Variants in ABLIM2 observed in about 807,000 individuals in gnomAD.
ABLIM2 encodes the protein actin binding LIM protein family member 2.
In ABLIM2, 53 loss-of-function variants were observed where a neutral mutation model predicts 97.7. The observed-to-expected ratio is 0.54, with a 90% confidence interval of 0.44 to 0.68. The LOEUF is 0.68. Ranked by LOEUF, ABLIM2 falls within the 30% of genes least tolerant of loss-of-function variation. ABLIM2 has a pLI of 0.00. For synonymous variants in ABLIM2, 361 were observed against 345.8 expected (o/e 1.04, Z -0.49); for missense variants, 835 against 867.2 (o/e 0.96, Z 0.47).
At chr4:8,105,153 C>T (rs551990525) in intron 2 of ABLIM2, among the ~76,000 whole-genome samples, 1 of 152,326 alleles carries the variant, frequency 6.6e-6, no homozygotes, top group East Asian at 1.9e-4. Context: ...GGATTCCCTT[C>T]TGTCTGGAGC....
chr4:8,042,316 C>T (rs897251921), intron 9 of ABLIM2, among the ~76,000 whole-genome samples: 2 of 152,202 alleles, frequency 1.3e-5, no homozygotes, highest in Admixed American at 6.5e-5. Context: ...TAACCTTTCC[C>T]TCATTCTGTG....
intron 2 of ABLIM2, among the ~76,000 whole-genome samples, chr4:8,104,954 C>T (rs1056598731): frequency 6.6e-6 from 1 of 152,184 alleles, no homozygotes; most frequent in Non-Finnish European, 1.5e-5. Context: ...ACCTGCTCCC[C>T]TCCTGCTCCC....
At chr4:7,976,793 A>G (rs1733569021) in intron 20 of ABLIM2, among the ~76,000 whole-genome samples, 1 of 152,150 alleles carries the variant, frequency 6.6e-6, no homozygotes, top group Admixed American at 6.5e-5. Context: ...ACACAAGTAT[A>G]CACACATACA....
intron 7 of ABLIM2, among the ~76,000 whole-genome samples, chr4:8,059,444 G>C (rs2076770): frequency 0.72 from 109,403 of 151,882 alleles, 39,943 homozygotes; most frequent in East Asian, 0.99. Flanking sequence ...GAGGATGACC[G>C]GAAGTCCCTG....
chr4:8,056,373 T>C (rs1262927982), intron 7 of ABLIM2, among the ~76,000 whole-genome samples: 2 of 148,630 alleles, frequency 1.3e-5, no homozygotes, highest in Non-Finnish European at 3.0e-5. Context: ...CAAATATAGC[T>C]CACTGCAGCC....
chr4:8,148,885 C>G lies in ABLIM2; in HGVS notation c.10+9795G>C, dbSNP rs1397166329. Among the ~76,000 whole-genome samples the G allele has an allele frequency of 1.3e-5, 2 of 152,242 alleles. No homozygotes were observed. The highest frequency in any genetic ancestry group is 2.9e-5 in the Non-Finnish European group (2 of 68,030). On this transcript the variant is annotated intron_variant, in intron 1 of 20. Coordinates refer to ENST00000447017, the MANE Select transcript of ABLIM2 (RefSeq NM_001130083.2). The surrounding 1 kb of genome is among the most constrained non-coding windows in gnomAD (Gnocchi z 6.7). ...CAGAGCTGCTGATGTACCAAGAAACCTGGGCTCCGCAGGCACCCGGGAGAT... is the reference window on the plus strand; with the variant it reads ...CAGAGCTGCTGATGTACCAAGAAACGTGGGCTCCGCAGGCACCCGGGAGAT...
Position 7,996,927 on chromosome 4 carries a change from A to T in ABLIM2, c.1619-4000T>A, listed in dbSNP as rs1426507660. Reference sequence around the variant, plus strand: ...TTCAACATTTTTTTCTTTGTCCTTAATTTTCAGAAATTTAATTATGATGTG... The same window carrying T: ...TTCAACATTTTTTTCTTTGTCCTTATTTTTCAGAAATTTAATTATGATGTG... On this transcript the variant is annotated intron_variant, in intron 16 of 20. Transcript: ENST00000447017. This position sits in a 1 kb window ranked among gnomAD's most constrained non-coding sequence, Gnocchi z 4.5. 6.6e-6 allele frequency among the ~76,000 whole-genome samples: 1 copy of T among 151,304 alleles called. No individual in the cohort carries two copies. The highest frequency in any genetic ancestry group is 1.9e-4 in the East Asian group (1 of 5,148).
chr4:8,108,829 C>T (rs755645634), intron 1 of ABLIM2, among the ~76,000 whole-genome samples: 6 of 152,228 alleles, frequency 3.9e-5, no homozygotes, highest in Admixed American at 6.5e-5. Context: ...CTTGTCCTCA[C>T]GTCTTCCTTT....
chr4:7,991,939 GC>G, intron 17 of ABLIM2, among the ~76,000 whole-genome samples: 1 of 152,334 alleles, frequency 6.6e-6, no homozygotes, highest in South Asian at 2.1e-4. Context: ...GTTACACACA[GC>G]CACGGCTGCT....
chr4:8,136,868 G>A (rs950416564), intron 1 of ABLIM2, among the ~76,000 whole-genome samples: 4 of 152,204 alleles, frequency 2.6e-5, no homozygotes, highest in African/African-American at 7.2e-5. Flanking sequence ...CCTGTCACTC[G>A]CTACTATGGT....
chr4:7,985,869 C>A lies in ABLIM2; in HGVS notation c.1681-976G>T, dbSNP rs1743518335. Among the ~76,000 whole-genome samples, 4 of 152,344 alleles carry A rather than the reference C, an allele frequency of 2.6e-5. No homozygotes were observed. In the South Asian group the frequency reaches 8.3e-4, roughly 32 times the overall value. On this transcript the variant is annotated intron_variant, in intron 17 of 20. Coordinates refer to ENST00000447017, the MANE Select transcript of ABLIM2 (RefSeq NM_001130083.2). ...CCACCTGGAAGCATCATCGACACGT[C>A]CTGCAAACCTCTATGGAGGGTTCCC...
Position 8,097,180 on chromosome 4 carries a change from C to G in ABLIM2, c.257G>C (p.Cys86Ser). 1 of 1,603,658 alleles carries G rather than the reference C, an allele frequency of 6.2e-7. No individual in the cohort carries two copies. The highest frequency in any genetic ancestry group is 8.5e-7 in the Non-Finnish European group (1 of 1,175,512). ...CACCTCACCCTCAATGAACTGGTCG[C>G]AGCTGAAGCAGCGGGTGCCGTAGAG... ...QRLYGTRCFS[C>S]DQFIEGEVVS... is the part of the protein sequence containing the mutation. Residue 86 changes from cysteine to serine, a missense_variant, in exon 3 of 21, where the codon TGC (cysteine) becomes TCC (serine). Transcript: ENST00000447017.
intron 7 of ABLIM2, among the ~76,000 whole-genome samples, chr4:8,060,760 T>G (rs1455841623): frequency 6.6e-6 from 1 of 152,156 alleles, no homozygotes; most frequent in Admixed American, 6.5e-5. Context: ...TCGGGCTCGC[T>G]GAGATCATTG....
Position 8,032,447 on chromosome 4 carries a change from G to C in ABLIM2, c.1048-2671C>G, listed in dbSNP as rs28478655. On this transcript the variant is annotated intron_variant, in intron 10 of 20. Transcript: ENST00000447017. This position sits in a 1 kb window ranked among gnomAD's most constrained non-coding sequence, Gnocchi z 4.3. ...CATCCGCAGGGCTGGCAGACATATC[G>C]GGGAGGCATGCAAGTGCGGGGTGAT... Among the ~76,000 whole-genome samples the C allele has an allele frequency of 6.6e-6, 1 of 152,240 alleles. No individual in the cohort carries two copies. Among genetic ancestry groups the C allele is most frequent in the African/African-American group, 2.4e-5 (1 of 41,524 alleles).
At chr4:8,050,674 C>T (rs1407771051) in intron 8 of ABLIM2, among the ~76,000 whole-genome samples, 1 of 152,200 alleles carries the variant, frequency 6.6e-6, no homozygotes, top group South Asian at 2.1e-4. Flanking sequence ...TGGCTTGCAC[C>T]TGACGGAACA....
At chr4:8,026,946 AGT>A (rs57678059) in intron 12 of ABLIM2, among the ~76,000 whole-genome samples, 4 of 128,716 alleles carry the variant, frequency 3.1e-5, no homozygotes, top group African/African-American at 1.2e-4. Flanking sequence ...CTTTTACCTG[AGT>A]GTGTGTGTCT....
intron 7 of ABLIM2, among the ~76,000 whole-genome samples, chr4:8,059,631 G>A (rs1215129494): frequency 6.6e-6 from 1 of 152,114 alleles, no homozygotes; most frequent in African/African-American, 2.4e-5. Context: ...CCGGGGCATG[G>A]TGGATCATAC....
rs1181866097 is a variant in ABLIM2 at position 7,999,036 on chromosome 4, G to A, written c.1619-6109C>T. 1.3e-5 allele frequency among the ~76,000 whole-genome samples: 2 copies of A among 152,212 alleles called. No homozygotes were observed. The highest frequency in any genetic ancestry group is 4.8e-5 in the African/African-American group (2 of 41,458). On this transcript the variant is annotated intron_variant, in intron 16 of 20. Transcript: ENST00000447017. This position sits in a 1 kb window ranked among gnomAD's most constrained non-coding sequence, Gnocchi z 4.4. Reference sequence around the variant, plus strand: ...AGATGTTAAAGGTCCCAGGGATGCTGTGCACAACCAGCGCTGAGAATCACT... The same window carrying A: ...AGATGTTAAAGGTCCCAGGGATGCTATGCACAACCAGCGCTGAGAATCACT...
At chr4:8,073,039 C>T (rs1445981624) in intron 6 of ABLIM2, among the ~76,000 whole-genome samples, 1 of 152,002 alleles carries the variant, frequency 6.6e-6, no homozygotes, top group Non-Finnish European at 1.5e-5. Flanking sequence ...TGAGTCTCTG[C>T]AGTGGGGACT....
Sources: gnomAD v4.1 joint callset for allele counts (sites outside exome capture counted in the v4.1 genomes callset) on GRCh38, gnomAD v4.1.1 for gene constraint, Gnocchi (gnomAD v3.1) non-coding constraint, MANE v1.5 for transcripts, NCBI Gene and HGNC (gene_info 2026-07-23, HGNC 2026-07-21) for gene names.